C13orf46: variants seen among roughly 807,000 people sequenced by gnomAD.
C13orf46 encodes the protein uncharacterized protein C13orf46.
chr13:113,939,368 CAGACCACCCGATGGGGAGGACAG>C, the C13orf46 span, among the ~76,000 whole-genome samples: 14 of 146,706 alleles, frequency 9.5e-5, no homozygotes, highest in Admixed American at 2.8e-4. Flanking sequence ...GGGGAGGATG[CAGACCACCCGATGGGGAGGACAG>C]AGACCACCCG....
chr13:113,964,707 A>G (rs1345412914), intron 6 of C13orf46, among the ~76,000 whole-genome samples: 1 of 152,060 alleles, frequency 6.6e-6, no homozygotes, highest in African/African-American at 2.4e-5. Context: ...GGCATCGTGA[A>G]GCTCGTCCCT....
chr13:113,969,940 T>C (rs2052686570), intron 2 of C13orf46, among the ~76,000 whole-genome samples: 1 of 152,142 alleles, frequency 6.6e-6, no homozygotes, highest in Middle Eastern at 3.2e-3. Flanking sequence ...ACCACCCCGC[T>C]ACAGGTGGGT....
chr13:113,942,736 CT>C, the C13orf46 span, among the ~76,000 whole-genome samples: 1 of 152,330 alleles, frequency 6.6e-6, no homozygotes, highest in Non-Finnish European at 1.5e-5. Context: ...GTAGGAACCC[CT>C]GGGCCAGCGG....
chr13:113,973,362 G>A (rs144639718), intron 1 of C13orf46, among the ~76,000 whole-genome samples: 2 of 152,278 alleles, frequency 1.3e-5, no homozygotes, highest in African/African-American at 2.4e-5. Flanking sequence ...AAGTGTGTCC[G>A]ACAGCTCCCT....
At chr13:113,946,633 G>A in the C13orf46 span, among the ~76,000 whole-genome samples, 2 of 152,246 alleles carry the variant, frequency 1.3e-5, no homozygotes, top group Non-Finnish European at 2.9e-5. Context: ...GCACTGGGGT[G>A]GGAGCAGAAC....
chr13:113,936,257 A>G, the C13orf46 span, among the ~76,000 whole-genome samples: 305 of 152,316 alleles, frequency 2.0e-3, no homozygotes, highest in African/African-American at 7.1e-3. Context: ...GGCAACATCC[A>G]TGAGTGTTGA....
chr13:113,955,306 CAG>C lies in C13orf46; in HGVS notation c.*1465_*1466del, dbSNP rs2052516483. On this transcript the variant is annotated 3_prime_UTR_variant, in exon 7 of 7. Coordinates refer to ENST00000636427, the MANE Select transcript of C13orf46 (RefSeq NM_001365455.2). ...TCTGGCGGAGAGGAGTAGTATCTGG[CAG>C]AGAGGAGTAGTATCTGGTGGAGAGG... 7.5e-6 allele frequency: 1 copy of C among 132,836 alleles called. No homozygotes were observed. The highest frequency in any genetic ancestry group is 1.5e-5 in the Non-Finnish European group (1 of 67,728). 8.2% of individuals were successfully genotyped at this position (132,836 alleles called of 1,614,324 possible). A position where few individuals can be genotyped will look rare whatever the true frequency, so the allele number is the denominator to read the frequency against.
chr13:113,959,210 T>G (rs2052567986), intron 6 of C13orf46, among the ~76,000 whole-genome samples: 1 of 152,076 alleles, frequency 6.6e-6, no homozygotes, highest in Non-Finnish European at 1.5e-5. Context: ...GGGTGGAGGT[T>G]GCAGTGAGCT....
chr13:113,951,338 G>A (rs1014348340), downstream of C13orf46, among the ~76,000 whole-genome samples: 596 of 152,318 alleles, frequency 3.9e-3, 9 homozygotes, highest in East Asian at 0.048. Context: ...GGGCAAGGTC[G>A]TCCCTGCGGG....
chr13:113,967,286 C>T (rs1302467694), intron 5 of C13orf46, 55 bp downstream of exon 5: 1 of 152,286 alleles, frequency 6.6e-6, no homozygotes, highest in Non-Finnish European at 1.5e-5. Context: ...CCAGGCAGCA[C>T]AGGCGCTTTC....
chr13:113,955,324 G>T lies in C13orf46; in HGVS notation c.*1449C>A. On this transcript the variant is annotated 3_prime_UTR_variant, in exon 7 of 7. Coordinates refer to ENST00000636427, the MANE Select transcript of C13orf46 (RefSeq NM_001365455.2). ...TATCTGGCAGAGAGGAGTAGTATCT[G>T]GTGGAGAGGAGGAGTAGTATCTGGT... 1 of 162,140 alleles carries T rather than the reference G, an allele frequency of 6.2e-6. No individual in the cohort carries two copies. The highest frequency in any genetic ancestry group is 1.3e-5 in the Non-Finnish European group (1 of 79,092). 10.0% of individuals were successfully genotyped at this position (162,140 alleles called of 1,614,324 possible).
chr13:113,945,575 A>AAGAAAGAAAGAAAGAAAGAG, the C13orf46 span, among the ~76,000 whole-genome samples: 4 of 89,070 alleles, frequency 4.5e-5, no homozygotes, highest in African/African-American at 1.7e-4. Flanking sequence ...GAAAGAAAGA[A>AAGAAAGAAAGAAAGAAAGAG]AGAGAGAGAG....
the C13orf46 span, among the ~76,000 whole-genome samples, chr13:113,937,444 C>T: frequency 2.0e-5 from 3 of 152,142 alleles, no homozygotes; most frequent in African/African-American, 4.8e-5. Context: ...GGGGTCTTTC[C>T]GAATCCAGAT....
chr13:113,937,104 C>T, the C13orf46 span, among the ~76,000 whole-genome samples: 3 of 152,188 alleles, frequency 2.0e-5, no homozygotes, highest in Non-Finnish European at 4.4e-5. Flanking sequence ...GGCCCAAGCC[C>T]AGGAATAATT....
At chr13:113,944,562 G>A in the C13orf46 span, among the ~76,000 whole-genome samples, 1 of 151,760 alleles carries the variant, frequency 6.6e-6, no homozygotes, top group African/African-American at 2.4e-5. Context: ...CTGCAGGTGT[G>A]TGCTGGACCC....
chr13:113,949,936 C>G (rs952199349), downstream of C13orf46, among the ~76,000 whole-genome samples: 138 of 152,038 alleles, frequency 9.1e-4, no homozygotes, highest in Middle Eastern at 0.024. Context: ...GTGCTCCCAT[C>G]TGGAGAATAC....
intron 6 of C13orf46, among the ~76,000 whole-genome samples, chr13:113,960,877 T>C (rs904240024): frequency 3.3e-5 from 5 of 152,266 alleles, no homozygotes; most frequent in African/African-American, 1.2e-4. Context: ...GGTTTTTCTG[T>C]ACCTTTTGGT....
the C13orf46 span, among the ~76,000 whole-genome samples, chr13:113,936,740 G>C: frequency 1.5e-4 from 23 of 152,142 alleles, no homozygotes; most frequent in Middle Eastern, 3.4e-3. Flanking sequence ...GCAGTCGTCG[G>C]GGTGTGGGAA....
intron 5 of C13orf46, among the ~76,000 whole-genome samples, chr13:113,966,436 A>T (rs1481816671): frequency 1.3e-5 from 2 of 149,278 alleles, no homozygotes; most frequent in Non-Finnish European, 3.0e-5. Context: ...AATGATGGTG[A>T]TGGTATTAAT....
Sources: allele counts gnomAD v4.1 joint callset (sites outside exome capture counted in the v4.1 genomes callset), GRCh38; gene constraint gnomAD v4.1.1; transcripts MANE v1.5; gene names NCBI Gene and HGNC (gene_info 2026-07-23, HGNC 2026-07-21).